PRAME: variants seen among roughly 807,000 people sequenced by gnomAD.
PRAME encodes PRAME nuclear receptor transcriptional regulator, also known as melanoma antigen preferentially expressed in tumors.
PRAME carries 21 observed loss-of-function variants against 32.1 expected under a neutral mutation model. The ratio of observed to expected loss-of-function variants is 0.65; its 90% confidence interval spans 0.46 to 0.94. PRAME has a LOEUF of 0.94. Ranked by LOEUF, PRAME falls within the 40% of genes least tolerant of loss-of-function variation. The probability of loss-of-function intolerance (pLI) is 0.00; values close to 1 mark genes in which losing one functional copy is unlikely to be tolerated. For missense variants in PRAME, 651 were observed against 622.3 expected, an observed-to-expected ratio of 1.05 and a Z score of -0.49; for synonymous variants, 274 against 251.5, an observed-to-expected ratio of 1.09 and a Z score of -0.85.
intron 4 of PRAME, 55 bp from the exon 5 acceptor site, chr22:22,550,389 T>G: frequency 6.4e-7 from 1 of 1,572,310 alleles, no homozygotes; most frequent in Non-Finnish European, 8.6e-7. Flanking sequence ...CAACTCAAAA[T>G]AAGACCATGA....
chr22:22,549,955 A>G lies in PRAME; in HGVS notation c.724T>C (p.Cys242Arg). The change falls in exon 5 of 6, where the codon TGT (cysteine) becomes CGT (arginine). Residue 242 changes from cysteine to arginine, a missense_variant. By Grantham distance (180) the Cys-to-Arg change is radical. Coordinates refer to ENST00000405655, the MANE Select transcript of PRAME (RefSeq NM_206956.3). ...LDSIEDLEVT[C>R]TWKLPTLAKF... Reference sequence around the variant, plus strand: ...GCCAAGGTGGGTAGCTTCCAGGTACAAGTCACTTCCAAATCTTCAATAGAG... The same window carrying G: ...GCCAAGGTGGGTAGCTTCCAGGTACGAGTCACTTCCAAATCTTCAATAGAG... 1 of 1,613,870 alleles carries G rather than the reference A, an allele frequency of 6.2e-7. No homozygotes were observed. Among genetic ancestry groups the G allele is most frequent in the East Asian group, 2.2e-5 (1 of 44,782 alleles).
intron 3 of PRAME, chr22:22,554,190 T>C: frequency 1.0e-6 from 1 of 985,186 alleles, no homozygotes; most frequent in Non-Finnish European, 1.2e-6. Flanking sequence ...TTTGAAGTTT[T>C]GGAACCTCTC....
Position 22,550,877 on chromosome 22 carries a change from G to A in PRAME, c.234C>T (p.Phe78=). The change falls in exon 4 of 6, where the codon TTC becomes TTT. Residue 78 remains phenylalanine (F), a synonymous_variant. Coordinates refer to ENST00000405655, the MANE Select transcript of PRAME (RefSeq NM_206956.3). ...TCAGCACTCCCAGAGGGAGGCAGGTGAAGGGCCAGGCCTGCACCATTGCCT... is the reference window on the plus strand; with the variant it reads ...TCAGCACTCCCAGAGGGAGGCAGGTAAAGGGCCAGGCCTGCACCATTGCCT... The part of the protein sequence containing the change: ...TLKAMVQAWP[F]TCLPLGVLMK... 6.2e-7 allele frequency: 1 copy of A among 1,613,850 alleles called. No individual in the cohort carries two copies. The highest frequency in any genetic ancestry group is 1.3e-5 in the African/African-American group (1 of 74,990).
chr22:22,550,749 C>G lies in PRAME; in HGVS notation c.344+18G>C. The G allele has an allele frequency of 6.4e-7, 1 of 1,555,216 alleles. No individual in the cohort carries two copies. ...CAGGTTCCCAGGGCCCCACACCAAGCTGCTAGGTCACCCTTACCTGGGGCG... is the reference window on the plus strand; with the variant it reads ...CAGGTTCCCAGGGCCCCACACCAAGGTGCTAGGTCACCCTTACCTGGGGCG... On this transcript the variant is annotated intron_variant, in intron 4 of 5. Transcript: ENST00000405655.
Position 22,550,808 on chromosome 22 carries a change from A to C in PRAME, c.303T>G (p.Leu101=). The C allele has an allele frequency of 6.2e-7, 1 of 1,608,086 alleles. No homozygotes were observed. Among genetic ancestry groups the C allele is most frequent in the Non-Finnish European group, 8.5e-7 (1 of 1,175,974 alleles). ...HLHLETFKAV[L]DGLDVLLAQE... ...GGGCAAGGAGCACATCAAGTCCATC[A>C]AGCACAGCTTTGAAGGTCTCCAGGT... Residue 101 remains leucine (L), a synonymous_variant, in exon 4 of 6, where the codon CTT becomes CTG. Coordinates refer to ENST00000405655, the MANE Select transcript of PRAME (RefSeq NM_206956.3).
intron 5 of PRAME, among the ~76,000 whole-genome samples, chr22:22,549,116 C>A (rs941061686): frequency 6.6e-6 from 1 of 151,904 alleles, no homozygotes; most frequent in Non-Finnish European, 1.5e-5. Context: ...GGGGCAAGGT[C>A]AGCAACATCC....
rs766562251 is a variant in PRAME, at chr22:22,550,823, G to A, written c.288C>T (p.Thr96=). ...LMKGQHLHLE[T]FKAVLDGLDV... ...CAAGTCCATCAAGCACAGCTTTGAA[G>A]GTCTCCAGGTGAAGATGTTGTCCCT... is the stretch of plus-strand genomic sequence containing the variant. The change falls in exon 4 of 6, where the codon ACC becomes ACT. Residue 96 remains threonine (T), a synonymous_variant. Transcript: ENST00000405655. The A allele has an allele frequency of 6.2e-7, 1 of 1,611,798 alleles. No homozygotes were observed. Among genetic ancestry groups the A allele is most frequent in the South Asian group, 1.1e-5 (1 of 90,948 alleles).
intron 5 of PRAME, among the ~76,000 whole-genome samples, chr22:22,549,460 C>G (rs2062437620): frequency 6.6e-6 from 1 of 151,864 alleles, no homozygotes; most frequent in Non-Finnish European, 1.5e-5. Flanking sequence ...TAAAGCCACC[C>G]TTGCCAGGCC....
At chr22:22,549,656 T>C in intron 5 of PRAME, 70 bp downstream of exon 5, 1 of 1,505,234 alleles carries the variant, frequency 6.6e-7, no homozygotes, top group Non-Finnish European at 8.8e-7. Flanking sequence ...ACATACAAGA[T>C]ATCCTTTATT....
rs2063178541 is a variant in PRAME, at chr22:22,559,128, C to T, written c.-271G>A. On this transcript the variant is annotated 5_prime_UTR_variant, in exon 1 of 6. Transcript: ENST00000405655. Reference sequence around the variant, plus strand: ...CCCCGAGCCTGCAGAGGACTCCGCCCTGCTTTCCCTACATTCAGGGCTGCT... The same window carrying T: ...CCCCGAGCCTGCAGAGGACTCCGCCTTGCTTTCCCTACATTCAGGGCTGCT... The T allele has an allele frequency of 4.5e-6, 1 of 221,648 alleles. No individual in the cohort carries two copies. Among genetic ancestry groups the T allele is most frequent in the Non-Finnish European group, 8.9e-6 (1 of 112,320 alleles). 13.7% of individuals were successfully genotyped at this position (221,648 alleles called of 1,614,324 possible). A position where few individuals can be genotyped will look rare whatever the true frequency, so the allele number is the denominator to read the frequency against.
At chr22:22,553,288 G>C (rs536711589) in intron 3 of PRAME, among the ~76,000 whole-genome samples, 1 of 151,900 alleles carries the variant, frequency 6.6e-6, no homozygotes, top group African/African-American at 2.4e-5. Flanking sequence ...AAAAAGGGAG[G>C]AACAACAGAG....
rs1470083293 is a variant in PRAME, at chr22:22,559,254, C to T, written c.-397G>A. Reference sequence around the variant, plus strand: ...GCGCTGCAGGCCCGGCTTCTGGCTGCGGGGGAGCTGTACCCTGAAGCCTCG... The same window carrying T: ...GCGCTGCAGGCCCGGCTTCTGGCTGTGGGGGAGCTGTACCCTGAAGCCTCG... On this transcript the variant is annotated 5_prime_UTR_variant, in exon 1 of 6. Transcript: ENST00000405655. 3.8e-5 allele frequency: 12 copies of T among 315,266 alleles called. No homozygotes were observed. Among genetic ancestry groups the T allele is most frequent in the Non-Finnish European group, 6.9e-5 (11 of 160,478 alleles). The allele number at this position is 315,266 out of a possible 1,614,324, so 19.5% of individuals were successfully genotyped here. A position where few individuals can be genotyped will look rare whatever the true frequency, so the allele number is the denominator to read the frequency against.
intron 3 of PRAME, chr22:22,554,195 C>A (rs1198894697): frequency 8.1e-6 from 8 of 985,048 alleles, no homozygotes; most frequent in African/African-American, 1.7e-5. Flanking sequence ...AGTTTTGGAA[C>A]CTCTCCACCC....
chr22:22,558,753 C>G (rs894342232), intron 1 of PRAME, among the ~76,000 whole-genome samples: 2 of 151,378 alleles, frequency 1.3e-5, no homozygotes, highest in Non-Finnish European at 2.9e-5. Flanking sequence ...AGTCTGGACT[C>G]TGTCCTGGGT....
chr22:22,555,909 G>A (rs1405132016), intron 3 of PRAME: 5 of 470,642 alleles, frequency 1.1e-5, no homozygotes, highest in Non-Finnish European at 2.2e-5. Flanking sequence ...ACCACTGGAA[G>A]TGTGGGCTTT....
At chr22:22,555,099 C>G (rs1253477276) in intron 3 of PRAME, among the ~76,000 whole-genome samples, 1 of 151,984 alleles carries the variant, frequency 6.6e-6, no homozygotes, top group African/African-American at 2.4e-5. Flanking sequence ...CTCCTAGGGT[C>G]CAGACATGAA....
At chr22:22,551,880 A>G (rs75416099) in intron 3 of PRAME, among the ~76,000 whole-genome samples, 1 of 151,868 alleles carries the variant, frequency 6.6e-6, no homozygotes, top group African/African-American at 2.4e-5. Context: ...TAACATACAT[A>G]TGATCTCACA....
chr22:22,552,934 T>A (rs1422585184), intron 3 of PRAME: 1 of 470,518 alleles, frequency 2.1e-6, no homozygotes. Flanking sequence ...TGGGCATACC[T>A]CCCCTTTCAA....
Position 22,549,953 on chromosome 22 carries a change from A to G in PRAME, c.726T>C (p.Cys242=), listed in dbSNP as rs753282607. 1.9e-6 allele frequency: 3 copies of G among 1,613,904 alleles called. No individual in the cohort carries two copies. Among genetic ancestry groups the G allele is most frequent in the South Asian group, 1.1e-5 (1 of 91,074 alleles). ...LDSIEDLEVT[C]TWKLPTLAKF... ...TCGCCAAGGTGGGTAGCTTCCAGGT[A>G]CAAGTCACTTCCAAATCTTCAATAG... Residue 242 remains cysteine (C), a synonymous_variant, in exon 5 of 6, where the codon TGT becomes TGC. Coordinates refer to ENST00000405655, the MANE Select transcript of PRAME (RefSeq NM_206956.3).
Sources: allele counts gnomAD v4.1 joint callset (sites outside exome capture counted in the v4.1 genomes callset), GRCh38; gene constraint gnomAD v4.1.1; transcripts MANE v1.5; gene names NCBI Gene and HGNC (gene_info 2026-07-23, HGNC 2026-07-21).